Variants in ATAD3A observed in about 807,000 individuals in gnomAD.
ATAD3A encodes the protein ATPase family AAA domain-containing protein 3A.
A neutral mutation model predicts 73.8 loss-of-function variants in ATAD3A; 46 were observed. That is an observed-to-expected ratio of 0.62 (90% CI 0.49 to 0.80). ATAD3A has a LOEUF of 0.80. ATAD3A is among the 30% of genes least tolerant of loss of function. The pLI, the probability that ATAD3A is intolerant of heterozygous loss-of-function variation, is 0.00. For synonymous variants in ATAD3A, 319 were observed against 350.0 expected (o/e 0.91, Z 0.99); for missense variants, 705 against 838.0 (o/e 0.84, Z 1.96).
chr1:1,515,951 G>C (rs1296749806), intron 1 of ATAD3A, 61 bp from the exon 2 acceptor site: 5 of 1,594,326 alleles, frequency 3.1e-6, no homozygotes, highest in Non-Finnish European at 3.4e-6. Flanking sequence ...GCTGGTGTGC[G>C]TGCCTGCCCA....
intron 14 of ATAD3A, among the ~76,000 whole-genome samples, chr1:1,528,698 G>A (rs1226492097): frequency 2.6e-5 from 4 of 152,236 alleles, no homozygotes; most frequent in East Asian, 3.8e-4. Context: ...CCCGGGCCCC[G>A]GTTTCTGAGT....
Position 1,534,006 on chromosome 1 carries a change from C to T in ATAD3A, c.1695C>T (p.His565=), listed in dbSNP as rs763691696. The stretch of plus-strand genomic sequence containing the variant: ...GCGTGCAAGATGCTGTCCAGCAGCA[C>T]CAGCAGAAGATGTGCTGGCTGAAGG... ...DTRVQDAVQQ[H]QQKMCWLKAE... The change falls in exon 16 of 16, where the codon CAC becomes CAT. Residue 565 remains histidine, a synonymous_variant. Transcript: ENST00000378756. The T allele has an allele frequency of 1.2e-6, 2 of 1,613,640 alleles. No homozygotes were observed. The highest frequency in any genetic ancestry group is 8.5e-7 in the Non-Finnish European group (1 of 1,179,938).
chr1:1,528,268 T>C (rs1310895607), intron 14 of ATAD3A, among the ~76,000 whole-genome samples: 1 of 152,220 alleles, frequency 6.6e-6, no homozygotes, highest in Non-Finnish European at 1.5e-5. Context: ...CGGCGTCTTT[T>C]CCATTCCTCT....
intron 1 of ATAD3A, among the ~76,000 whole-genome samples, chr1:1,514,317 G>A (rs1280777113): frequency 3.3e-5 from 5 of 152,102 alleles, no homozygotes; most frequent in East Asian, 1.9e-4. Flanking sequence ...TGACACCCAC[G>A]TTCCTGTCAC....
At chr1:1,525,210 C>T (rs116637550) in intron 11 of ATAD3A, 30 bp from the exon 12 acceptor site, 64 of 1,613,086 alleles carry the variant, frequency 4.0e-5, no homozygotes, top group Admixed American at 1.5e-4. Context: ...GTGTCACTCT[C>T]GCCCTGCTTG....
intron 13 of ATAD3A, 111 bp downstream of exon 13, chr1:1,526,642 G>T (rs982944207): frequency 1.3e-6 from 2 of 1,563,688 alleles, no homozygotes; most frequent in South Asian, 1.2e-5. Context: ...GGCAGCTGCC[G>T]TGGCCTCAAC....
At position 1,526,497 on chromosome 1, in the gene ATAD3A, G is replaced by A. The variant is rs763043823; in HGVS notation, c.1303G>A (p.Ala435Thr). 7.4e-6 allele frequency: 12 copies of A among 1,612,768 alleles called. No individual in the cohort carries two copies. Among genetic ancestry groups the A allele is most frequent in the East Asian group, 2.2e-5 (1 of 44,872 alleles). The part of the protein sequence containing the change: ...ISEDLRATLN[A>T]FLYRTGQHSN... ...CGAGGACCTCAGGGCCACACTGAAC[G>A]CCTTCCTGTACCGCACGGGCCAGCA... The change falls in exon 13 of 16, where the codon GCC becomes ACC. Residue 435 changes from alanine (A) to threonine (T), a missense_variant. Around this residue, in one of 5 missense-constraint regions of ATAD3A, gnomAD observed 252 missense variants for 278.5 expected, o/e 0.90. Coordinates refer to ENST00000378756, the MANE Select transcript of ATAD3A (RefSeq NM_001170535.3).
In ATAD3A at chr1:1,520,496, C is replaced by T. The variant is rs369167030; in HGVS notation, c.681-52C>T. On this transcript the variant is annotated intron_variant, in intron 6 of 15. Transcript: ENST00000378756. This position sits in a 1 kb window ranked among gnomAD's most constrained non-coding sequence, Gnocchi z 4.0. ...CCTCACCCTCAACCTGCTCTCGCTG[C>T]GTGGCACGGATCTTCGTGTCCTTCC... is the stretch of plus-strand genomic sequence containing the variant. The T allele has an allele frequency of 7.1e-5, 115 of 1,613,900 alleles. No homozygotes were observed. The highest frequency in any genetic ancestry group is 9.4e-5 in the Non-Finnish European group (111 of 1,179,874).
intron 4 of ATAD3A, among the ~76,000 whole-genome samples, chr1:1,518,033 A>G (rs571148805): frequency 4.0e-4 from 60 of 151,796 alleles, no homozygotes; most frequent in African/African-American, 1.5e-3. Flanking sequence ...CACTCCCAGC[A>G]CACACAGACA....
At chr1:1,512,605 C>G (rs1395842722) in intron 1 of ATAD3A, 132 bp downstream of exon 1, 16 of 1,410,144 alleles carry the variant, frequency 1.1e-5, no homozygotes, top group Non-Finnish European at 1.4e-5. Flanking sequence ...CCGGAGCACC[C>G]CCGGCCGGAG....
intron 12 of ATAD3A, 77 bp downstream of exon 12, chr1:1,525,368 C>T: frequency 6.4e-7 from 1 of 1,565,948 alleles, no homozygotes; most frequent in Non-Finnish European, 8.8e-7. Context: ...GGCTGCAGCC[C>T]TCTGTTCAGT....
Position 1,518,922 on chromosome 1 carries a change from A to G in ATAD3A, c.446A>G (p.Gln149Arg), listed in dbSNP as rs1483651530. The G allele has an allele frequency of 6.2e-7, 1 of 1,614,124 alleles. No individual in the cohort carries two copies. The change falls in exon 5 of 16, where the codon CAA becomes CGA. Residue 149 changes from glutamine to arginine, a missense_variant and splice_region_variant. This residue lies in a region of ATAD3A where 315 missense variants were observed against 334.1 expected (regional missense o/e 0.94). Coordinates refer to ENST00000378756, the MANE Select transcript of ATAD3A (RefSeq NM_001170535.3). ...QRYEDQLKQQQLLNEENLRKQ... is the reference protein window; with the variant it reads ...QRYEDQLKQQRLLNEENLRKQ... ...TCTTTTTCTGCGGCTTCTTCTCAGC[A>G]ACTTCTCAATGAGGAGAATTTACGG...
At position 1,520,147 on chromosome 1, in the gene ATAD3A, T is replaced by C; in HGVS notation, c.521T>C (p.Val174Ala). The C allele has an allele frequency of 1.2e-6, 2 of 1,610,328 alleles. No individual in the cohort carries two copies. Among genetic ancestry groups the C allele is most frequent in the Non-Finnish European group, 1.7e-6 (2 of 1,179,318 alleles). Reference sequence around the variant, plus strand: ...CCCTGCCTCTCTGGGGCAGCCACCGTGGAGCGGGAGATGGAGCTGCGGCAC... The same window carrying C: ...CCCTGCCTCTCTGGGGCAGCCACCGCGGAGCGGGAGATGGAGCTGCGGCAC... ...QKQEAMRRAT[V>A]EREMELRHKN... The change falls in exon 6 of 16, where the codon GTG (valine) becomes GCG (alanine). Residue 174 changes from valine (V) to alanine (A), a missense_variant. This residue lies in a region of ATAD3A where 315 missense variants were observed against 334.1 expected (regional missense o/e 0.94). Coordinates refer to ENST00000378756, the MANE Select transcript of ATAD3A (RefSeq NM_001170535.3). The surrounding 1 kb of genome is among the most constrained non-coding windows in gnomAD (Gnocchi z 4.0).
At chr1:1,530,720 T>G (rs1398973973) in intron 15 of ATAD3A, among the ~76,000 whole-genome samples, 1 of 116,624 alleles carries the variant, frequency 8.6e-6, no homozygotes, top group African/African-American at 5.8e-5. Context: ...TCCCAGCTAC[T>G]TGGGAGGCTG....
chr1:1,513,665 C>T (rs952932515), intron 1 of ATAD3A, among the ~76,000 whole-genome samples: 1 of 152,118 alleles, frequency 6.6e-6, no homozygotes, highest in Non-Finnish European at 1.5e-5. Flanking sequence ...TCACTGCTGG[C>T]AGGTGAGAGA....
chr1:1,523,863 G>A lies in ATAD3A; in HGVS notation c.988G>A (p.Asp330Asn), dbSNP rs573924414. 2.7e-5 allele frequency: 44 copies of A among 1,614,000 alleles called. No homozygotes were observed. The highest frequency in any genetic ancestry group is 1.6e-4 in the Middle Eastern group (1 of 6,062). ...GCCCAGCCTGGAAGCACGGGTGCGC[G>A]ACATCGCCATAGCAACAAGGAACAC... The part of the protein sequence containing the change: ...LSPSLEARVR[D>N]IAIATRNTKK... Residue 330 changes from aspartate (D) to asparagine (N), a missense_variant, in exon 10 of 16, where the codon GAC (aspartate) becomes AAC (asparagine). By Grantham distance (23) the Asp-to-Asn change is conservative. Around this residue, in one of 5 missense-constraint regions of ATAD3A, gnomAD observed 315 missense variants for 334.1 expected, o/e 0.94. Coordinates refer to ENST00000378756, the MANE Select transcript of ATAD3A (RefSeq NM_001170535.3). This position sits in a 1 kb window ranked among gnomAD's most constrained non-coding sequence, Gnocchi z 5.1.
intron 7 of ATAD3A, 115 bp from the exon 8 acceptor site, chr1:1,522,629 C>T (rs752018262): frequency 2.5e-5 from 38 of 1,539,192 alleles, no homozygotes; most frequent in Middle Eastern, 2.4e-4. Context: ...GGCCAGTGCA[C>T]GGCCCTGTGC....
rs1397801248 is a variant in ATAD3A at position 1,523,059 on chromosome 1, C to T, written c.906+160C>T. ...GTGGGTTTTCCTGTCTGGCGCTGTACCTTAGGGGTCTGCATCAGTGAGACC... is the reference window on the plus strand; with the variant it reads ...GTGGGTTTTCCTGTCTGGCGCTGTATCTTAGGGGTCTGCATCAGTGAGACC... On this transcript the variant is annotated intron_variant, in intron 8 of 15. Transcript: ENST00000378756. The surrounding 1 kb of genome is among the most constrained non-coding windows in gnomAD (Gnocchi z 5.1). Among the ~76,000 whole-genome samples the T allele has an allele frequency of 6.6e-6, 1 of 151,814 alleles. No homozygotes were observed. The highest frequency in any genetic ancestry group is 1.5e-5 in the Non-Finnish European group (1 of 68,004).
chr1:1,526,622 C>T (rs1353840235), intron 13 of ATAD3A, 91 bp downstream of exon 13: 3 of 1,595,170 alleles, frequency 1.9e-6, no homozygotes, highest in African/African-American at 1.3e-5. Context: ...GGCCCTGGCT[C>T]ACAGTGCTGG....
Sources: allele counts gnomAD v4.1 joint callset (sites outside exome capture counted in the v4.1 genomes callset), GRCh38; gene constraint gnomAD v4.1.1; regional missense constraint gnomAD v4.1.1; non-coding constraint Gnocchi (gnomAD v3.1); transcripts MANE v1.5; gene names NCBI Gene and HGNC (gene_info 2026-07-23, HGNC 2026-07-21).